The following SLC12A3 variants were observed in gnomAD, a reference collection of about 807,000 sequenced individuals.
The protein encoded by SLC12A3 is solute carrier family 12 member 3, also known as Na-Cl cotransporter.
Under a neutral mutation model 121.0 loss-of-function variants are expected in SLC12A3, and 104 were observed. The observed-to-expected ratio is 0.86, with a 90% CI of 0.73 to 1.01. SLC12A3 has a LOEUF of 1.01. SLC12A3 is among the 50% of genes least tolerant of loss of function. The pLI is 0.00. For missense variants in SLC12A3, 1,328 were observed against 1,356.3 expected (o/e 0.98, Z 0.33); for synonymous variants, 536 against 533.4 (o/e 1.00, Z -0.07).
At chr16:56,869,559 C>T (rs2055060157) in intron 3 of SLC12A3, among the ~76,000 whole-genome samples, 170 bp from the exon 4 acceptor site, 1 of 152,226 alleles carries the variant, frequency 6.6e-6, no homozygotes, top group African/African-American at 2.4e-5. Flanking sequence ...AACTCCTGAC[C>T]TTATGATCTG....
rs768517795 is a variant in SLC12A3 at position 56,890,318 on chromosome 16, G to A, written c.2330G>A (p.Arg777Gln). The change falls in exon 19 of 26, where the codon CGG becomes CAG. Residue 777 changes from arginine to glutamine, a missense_variant. Physicochemically the swap from Arg to Gln is conservative, Grantham distance 43. Transcript: ENST00000563236. ...FNYGVCVMRMREGLNVSKMMQ... is the reference protein window; with the variant it reads ...FNYGVCVMRMQEGLNVSKMMQ... ...TATGGCGTGTGTGTCATGAGGATGC[G>A]GGAGGGACTCAACGTGTCCAAGATG... 22 of 1,614,022 alleles carry A rather than the reference G, an allele frequency of 1.4e-5. No homozygotes were observed. Among genetic ancestry groups the A allele is most frequent in the East Asian group, 2.2e-5 (1 of 44,904 alleles).
intron 4 of SLC12A3, 84 bp downstream of exon 4, chr16:56,869,908 T>C (rs2055068789): frequency 7.1e-7 from 1 of 1,401,634 alleles, no homozygotes; most frequent in Non-Finnish European, 1.0e-6. Context: ...CCCAACCCAA[T>C]GGTACACCCA....
chr16:56,869,239 C>A (rs1465786565), intron 3 of SLC12A3, among the ~76,000 whole-genome samples: 1 of 152,150 alleles, frequency 6.6e-6, no homozygotes. Context: ...TATTATTAAA[C>A]GAGGGTAGCT....
Position 56,890,046 on chromosome 16 carries a change from T to A in SLC12A3, c.2286-228T>A, listed in dbSNP as rs562322258. Among the ~76,000 whole-genome samples, 6 of 152,312 alleles carry A rather than the reference T, an allele frequency of 3.9e-5. No homozygotes were observed. In the South Asian group the frequency reaches 1.2e-3, roughly 32 times the overall value. On this transcript the variant is annotated intron_variant, in intron 18 of 25. Coordinates refer to ENST00000563236, the MANE Select transcript of SLC12A3 (RefSeq NM_001126108.2). ...ACAGGGCTGACTTGGTTCCCCTGAG[T>A]ACCGGATCTGCAGGATCCACAGTGC...
intron 22 of SLC12A3, among the ~76,000 whole-genome samples, chr16:56,897,468 G>A (rs762032963): frequency 3.3e-5 from 5 of 152,138 alleles, no homozygotes; most frequent in Admixed American, 6.5e-5. Flanking sequence ...TCTATCACCC[G>A]CAGTGTGAGT....
chr16:56,882,660 G>A (rs1284591313), intron 13 of SLC12A3, among the ~76,000 whole-genome samples, 163 bp downstream of exon 13: 2 of 151,970 alleles, frequency 1.3e-5, no homozygotes, highest in Non-Finnish European at 2.9e-5. Flanking sequence ...AGCAGCTCTC[G>A]GCTGGGCTCG....
chr16:56,869,668 A>T, intron 3 of SLC12A3, 61 bp from the exon 4 acceptor site: 1 of 1,359,660 alleles, frequency 7.4e-7, no homozygotes, highest in Non-Finnish European at 1.1e-6. Context: ...GTGAATGAGT[A>T]GGCAAACTGG....
chr16:56,872,225 T>C (rs574706150), intron 6 of SLC12A3, 126 bp from the exon 7 acceptor site: 2 of 709,180 alleles, frequency 2.8e-6, no homozygotes, highest in South Asian at 3.0e-5. Context: ...TGCTGCATAA[T>C]GGGTGTTGAA....
rs370396320 is a variant in SLC12A3 at position 56,892,409 on chromosome 16, C to T, written c.2419+276C>T. 3.1e-4 allele frequency among the ~76,000 whole-genome samples: 47 copies of T among 152,106 alleles called. No individual in the cohort carries two copies. The East Asian group carries it at 3.9e-3, about 13-fold the overall frequency. On this transcript the variant is annotated intron_variant, in intron 20 of 25. Coordinates refer to ENST00000563236, the MANE Select transcript of SLC12A3 (RefSeq NM_001126108.2). ...GTTCCAGGCTGCAGTGAGCTGTGAC[C>T]GCACCACTACATTGCCAGCCTGGGT...
intron 18 of SLC12A3, among the ~76,000 whole-genome samples, chr16:56,889,532 A>G (rs942145329): frequency 6.6e-6 from 1 of 152,122 alleles, no homozygotes; most frequent in Non-Finnish European, 1.5e-5. Context: ...GCTGGAGTGC[A>G]ATGGTGCGAT....
intron 15 of SLC12A3, among the ~76,000 whole-genome samples, chr16:56,885,881 A>G (rs1320468763): frequency 1.3e-5 from 2 of 152,214 alleles, no homozygotes; most frequent in Non-Finnish European, 2.9e-5. Context: ...TCCCAAGAAC[A>G]CTGAGGCACA....
At chr16:56,891,158 G>C (rs1306404004) in intron 19 of SLC12A3, among the ~76,000 whole-genome samples, 1 of 151,850 alleles carries the variant, frequency 6.6e-6, no homozygotes, top group Non-Finnish European at 1.5e-5. Context: ...TGGATCGCTT[G>C]AGTCTAGGAG....
Position 56,870,116 on chromosome 16 carries a change from T to G in SLC12A3, c.622T>G (p.Ser208Ala), listed in dbSNP as rs2055071708. ...VKSGGTYFLI[S>A]RSLGPELGGS... ...GATAGGTGGCACCTACTTCCTCATCTCCCGGAGTCTGGGCCCAGAGCTTGG... is the reference window on the plus strand; with the variant it reads ...GATAGGTGGCACCTACTTCCTCATCGCCCGGAGTCTGGGCCCAGAGCTTGG... The change falls in exon 5 of 26, where the codon TCC becomes GCC. Residue 208 changes from serine (S) to alanine (A), a missense_variant. Ser to Ala is a moderately conservative substitution (Grantham distance 99). Transcript: ENST00000563236. 4 of 1,613,606 alleles carry G rather than the reference T, an allele frequency of 2.5e-6. No homozygotes were observed. In the South Asian group the frequency reaches 4.4e-5, roughly 18 times the overall value.
chr16:56,879,868 T>C lies in SLC12A3; in HGVS notation c.1443+219T>C, dbSNP rs1596908978. 5.3e-5 allele frequency among the ~76,000 whole-genome samples: 8 copies of C among 152,228 alleles called. No homozygotes were observed. The South Asian group carries it at 1.5e-3, about 28-fold the overall frequency. Reference sequence around the variant, plus strand: ...AGTCCCCACCCCAAACTCCCACCTGTGCCACCAGCATCCTGTCCGCAACTC... The same window carrying C: ...AGTCCCCACCCCAAACTCCCACCTGCGCCACCAGCATCCTGTCCGCAACTC... On this transcript the variant is annotated intron_variant, in intron 11 of 25. Transcript: ENST00000563236.
At chr16:56,886,124 G>T (rs1567437206) in intron 15 of SLC12A3, among the ~76,000 whole-genome samples, 1 of 152,198 alleles carries the variant, frequency 6.6e-6, no homozygotes, top group South Asian at 2.1e-4. Flanking sequence ...ACATGCATGG[G>T]GGGTAGCATT....
chr16:56,869,849 G>A lies in SLC12A3; in HGVS notation c.601+25G>A, dbSNP rs756541298. 48 of 1,597,692 alleles carry A rather than the reference G, an allele frequency of 3.0e-5. No homozygotes were observed. The South Asian group carries it at 5.3e-4, about 18-fold the overall frequency. On this transcript the variant is annotated intron_variant, in intron 4 of 25. Coordinates refer to ENST00000563236, the MANE Select transcript of SLC12A3 (RefSeq NM_001126108.2). ...GGTGGGCCATCCCCCTTTCCACCAAGGCCCTCCTCTCGTGGGCTCCTAATC... is the reference window on the plus strand; with the variant it reads ...GGTGGGCCATCCCCCTTTCCACCAAAGCCCTCCTCTCGTGGGCTCCTAATC...
At chr16:56,912,555 G>A (rs545656749) in intron 25 of SLC12A3, among the ~76,000 whole-genome samples, 2 of 152,334 alleles carry the variant, frequency 1.3e-5, no homozygotes, top group South Asian at 4.1e-4. Context: ...GGAGAGGCAA[G>A]CCTGGCATGA....
At chr16:56,872,324 A>G in intron 6 of SLC12A3, 27 bp from the exon 7 acceptor site, 1 of 1,527,614 alleles carries the variant, frequency 6.5e-7, no homozygotes. Context: ...AAACTATCTG[A>G]CCTCTGGGGT....
Position 56,882,381 on chromosome 16 carries a change from C to T in SLC12A3, c.1568-15C>T. 2 of 1,608,816 alleles carry T rather than the reference C, an allele frequency of 1.2e-6. No individual in the cohort carries two copies. The highest frequency in any genetic ancestry group is 2.7e-5 in the African/African-American group (2 of 74,940). On this transcript the variant is annotated splice_polypyrimidine_tract_variant and intron_variant, in intron 12 of 25. Coordinates refer to ENST00000563236, the MANE Select transcript of SLC12A3 (RefSeq NM_001126108.2). ...TGCCCAACAGGCTGTCCTCTCTCTC[C>T]CTGGGTCCCCGAAGCTGAGCTCAAC... is the stretch of plus-strand genomic sequence containing the variant.
Sources: allele counts gnomAD v4.1 joint callset (sites outside exome capture counted in the v4.1 genomes callset), GRCh38; gene constraint gnomAD v4.1.1; transcripts MANE v1.5; gene names NCBI Gene and HGNC (gene_info 2026-07-23, HGNC 2026-07-21).